Variants in TUSC3 observed in about 807,000 individuals in gnomAD.
The protein encoded by TUSC3 is tumor suppressor candidate 3.
A neutral mutation model predicts 44.8 loss-of-function variants in TUSC3; 45 were observed. That is an observed-to-expected ratio of 1.00 (90% CI 0.79 to 1.29). TUSC3 has a LOEUF of 1.29. Ranked by LOEUF, TUSC3 falls within the 50% of genes most tolerant of loss-of-function variation. The probability of loss-of-function intolerance (pLI) is 0.00; values close to 1 mark genes in which losing one functional copy is unlikely to be tolerated. For missense variants in TUSC3, 519 were observed against 437.9 expected, an observed-to-expected ratio of 1.19 and a Z score of -1.65; for synonymous variants, 212 against 152.9, an observed-to-expected ratio of 1.39 and a Z score of -2.85.
intron 1 of TUSC3, among the ~76,000 whole-genome samples, chr8:15,457,256 T>C (rs1800269221): frequency 6.6e-6 from 1 of 151,964 alleles, no homozygotes; most frequent in Non-Finnish European, 1.5e-5. Flanking sequence ...ACATGGCACG[T>C]GTATACATAT....
At chr8:15,582,079 C>T (rs777450671) in intron 1 of TUSC3, among the ~76,000 whole-genome samples, 10 of 151,986 alleles carry the variant, frequency 6.6e-5, no homozygotes, top group Middle Eastern at 6.8e-3. Flanking sequence ...TTTCCAGGTG[C>T]GTCTGTCACC....
intron 1 of TUSC3, among the ~76,000 whole-genome samples, chr8:15,467,602 C>A (rs187425914): frequency 2.5e-4 from 38 of 152,182 alleles, no homozygotes; most frequent in Middle Eastern, 3.4e-3. Context: ...TTCTCATTTG[C>A]GCCTTGGGAA....
chr8:15,529,525 G>A (rs1480343237), intron 2 of TUSC3, among the ~76,000 whole-genome samples: 1 of 151,996 alleles, frequency 6.6e-6, no homozygotes, highest in African/African-American at 2.4e-5. Context: ...TACAAAATCA[G>A]TTTCACTTTA....
chr8:15,538,552 G>C (rs1801565544), upstream of TUSC3, among the ~76,000 whole-genome samples: 1 of 152,146 alleles, frequency 6.6e-6, no homozygotes, highest in Non-Finnish European at 1.5e-5. Flanking sequence ...TCTGAAAATC[G>C]TTAACAGTGG....
the TUSC3 span, among the ~76,000 whole-genome samples, chr8:15,825,429 T>A: frequency 6.6e-6 from 1 of 152,140 alleles, no homozygotes. Context: ...TTTGTGAGAC[T>A]TATTCATTGT....
At chr8:15,576,349 G>T (rs528176486) in intron 1 of TUSC3, among the ~76,000 whole-genome samples, 1 of 134,246 alleles carries the variant, frequency 7.4e-6, no homozygotes, top group South Asian at 2.4e-4. Flanking sequence ...TAGGGTACAT[G>T]TGCACATTGT....
chr8:15,592,786 G>C (rs1579451), intron 1 of TUSC3, among the ~76,000 whole-genome samples: 84,222 of 151,974 alleles, frequency 0.55, 23,567 homozygotes, highest in East Asian at 0.63. Context: ...TGTAAATGTA[G>C]TAACTCAAGC....
the TUSC3 span, among the ~76,000 whole-genome samples, chr8:15,814,407 G>A: frequency 2.0e-5 from 3 of 152,170 alleles, no homozygotes; most frequent in African/African-American, 7.2e-5. Context: ...GAGAAGTGAA[G>A]GAGATGCAGT....
chr8:15,782,684 C>T, the TUSC3 span, among the ~76,000 whole-genome samples: 9 of 152,272 alleles, frequency 5.9e-5, no homozygotes, highest in Admixed American at 5.2e-4. Flanking sequence ...CAGAATTCAA[C>T]ATCCTGTCAT....
At chr8:15,768,206 T>C (rs1040590520), downstream of TUSC3, among the ~76,000 whole-genome samples, 3 of 152,218 alleles carry the variant, frequency 2.0e-5, no homozygotes, top group Admixed American at 6.5e-5. Flanking sequence ...TCTGTCAAAC[T>C]ACTGACTGAC....
chr8:15,534,417 G>A (rs1477857572), intron 2 of TUSC3, among the ~76,000 whole-genome samples: 1 of 152,048 alleles, frequency 6.6e-6, no homozygotes, highest in Admixed American at 6.6e-5. Flanking sequence ...GCCGAGGCGG[G>A]CAGATCACAA....
intron 1 of TUSC3, among the ~76,000 whole-genome samples, chr8:15,544,723 C>G (rs926394360): frequency 4.6e-5 from 7 of 151,654 alleles, no homozygotes; most frequent in Non-Finnish European, 5.9e-5. Context: ...AAGCAGAGAA[C>G]TTAAGTGGAA....
At chr8:15,575,024 T>A (rs1803038489) in intron 1 of TUSC3, among the ~76,000 whole-genome samples, 1 of 152,144 alleles carries the variant, frequency 6.6e-6, no homozygotes, top group Non-Finnish European at 1.5e-5. Flanking sequence ...TTTTTATTTC[T>A]TGAAGTATTT....
At chr8:15,440,448 G>T (rs531254518) in intron 1 of TUSC3, among the ~76,000 whole-genome samples, 1 of 152,272 alleles carries the variant, frequency 6.6e-6, no homozygotes, top group East Asian at 1.9e-4. Flanking sequence ...AACGATTGAA[G>T]GATTTAAAGC....
intron 8 of TUSC3, among the ~76,000 whole-genome samples, chr8:15,747,196 G>C (rs773470329): frequency 2.0e-4 from 30 of 151,748 alleles, no homozygotes; most frequent in Non-Finnish European, 2.8e-4. Flanking sequence ...AACTTGGTTT[G>C]GTTTATATAT....
At chr8:15,509,900 T>C (rs1320595803) in intron 2 of TUSC3, among the ~76,000 whole-genome samples, 1 of 152,204 alleles carries the variant, frequency 6.6e-6, no homozygotes, top group Non-Finnish European at 1.5e-5. Context: ...AGTTATCTAA[T>C]GCTTACCAGG....
At chr8:15,584,341 G>T (rs1472229854) in intron 1 of TUSC3, among the ~76,000 whole-genome samples, 2 of 152,116 alleles carry the variant, frequency 1.3e-5, no homozygotes, top group African/African-American at 4.8e-5. Context: ...TATTATAAAA[G>T]CGAGAAAAGA....
chr8:15,843,593 C>CATAAGTATATAT, the TUSC3 span, among the ~76,000 whole-genome samples: 21 of 91,108 alleles, frequency 2.3e-4, no homozygotes, highest in African/African-American at 1.5e-3. Flanking sequence ...ACTTGATGTA[C>CATAAGTATATAT]ATATATATAT....
At chr8:15,717,092 C>G (rs1260716547) in intron 6 of TUSC3, among the ~76,000 whole-genome samples, 1 of 151,880 alleles carries the variant, frequency 6.6e-6, no homozygotes, top group Admixed American at 6.6e-5. Flanking sequence ...TCTGGACTTA[C>G]GACTTGAAAA....
Sources: gnomAD v4.1 joint callset for allele counts (sites outside exome capture counted in the v4.1 genomes callset) on GRCh38, gnomAD v4.1.1 for gene constraint, MANE v1.5 for transcripts, NCBI Gene and HGNC (gene_info 2026-07-23, HGNC 2026-07-21) for gene names.